Variants in ELAVL2 observed in about 807,000 individuals in gnomAD.
The protein encoded by ELAVL2 is ELAV-like protein 2.
A neutral mutation model predicts 34.6 loss-of-function variants in ELAVL2; 4 were observed. That is an observed-to-expected ratio of 0.12 (90% CI 0.06 to 0.26). The LOEUF is 0.26. Among genes scored for constraint, ELAVL2 ranks in the 10% least tolerant of loss-of-function variants. ELAVL2 has a pLI of 1.00. For synonymous variants in ELAVL2, 193 were observed against 154.8 expected (o/e 1.25, Z -1.83); for missense variants, 432 against 442.8 (o/e 0.98, Z 0.22).
At chr9:23,768,608 TCACC>T (rs1221295166) in intron 1 of ELAVL2, among the ~76,000 whole-genome samples, 1 of 152,106 alleles carries the variant, frequency 6.6e-6, no homozygotes, top group Non-Finnish European at 1.5e-5. Context: ...TCAGCCACCC[TCACC>T]CACTGAAATC....
At chr9:23,803,207 GA>G (rs1408760365) in intron 1 of ELAVL2, among the ~76,000 whole-genome samples, 2 of 152,004 alleles carry the variant, frequency 1.3e-5, no homozygotes, top group Non-Finnish European at 2.9e-5. Flanking sequence ...TGATTTATAA[GA>G]AAAAAACGTG....
chr9:23,760,266 T>C (rs2054653513), intron 2 of ELAVL2, among the ~76,000 whole-genome samples: 1 of 152,038 alleles, frequency 6.6e-6, no homozygotes, highest in Non-Finnish European at 1.5e-5. Context: ...ATTTTCATCT[T>C]ATAAAATGAT....
At position 23,762,006 on chromosome 9, in the gene ELAVL2, C is replaced by T. The variant is rs1451995459; in HGVS notation, c.229G>A (p.Gly77Arg). The change falls in exon 2 of 7, where the codon GGG (glycine) becomes AGG (arginine). Residue 77 changes from glycine (G) to arginine (R), a missense_variant and splice_region_variant. Physicochemically the swap from Gly to Arg is moderately radical, Grantham distance 125. This residue lies in a region of ELAVL2 where 132 missense variants were observed against 118.3 expected (regional missense o/e 1.12). Transcript: ENST00000397312. ...SCKLVRDKITGQSLGYGFVNY... is the reference protein window; with the variant it reads ...SCKLVRDKITRQSLGYGFVNY... Reference sequence around the variant, plus strand: ...AAATCATCTACATAAAACTGCTTACCTGTTATTTTGTCTCTTACAAGCTTA... The same window carrying T: ...AAATCATCTACATAAAACTGCTTACTTGTTATTTTGTCTCTTACAAGCTTA... 1 of 1,609,712 alleles carries T rather than the reference C, an allele frequency of 6.2e-7. No individual in the cohort carries two copies. The highest frequency in any genetic ancestry group is 8.5e-7 in the Non-Finnish European group (1 of 1,177,662).
At chr9:23,723,735 G>C (rs969956542) in intron 3 of ELAVL2, among the ~76,000 whole-genome samples, 1 of 151,976 alleles carries the variant, frequency 6.6e-6, no homozygotes, top group South Asian at 2.1e-4. Flanking sequence ...CTCTTCCTCA[G>C]CCTCCTTATT....
At chr9:23,739,549 C>T (rs1322247144) in intron 2 of ELAVL2, among the ~76,000 whole-genome samples, 1 of 151,992 alleles carries the variant, frequency 6.6e-6, no homozygotes, top group Non-Finnish European at 1.5e-5. Flanking sequence ...GCCCCTACCC[C>T]CACCCCCACA....
intron 1 of ELAVL2, among the ~76,000 whole-genome samples, chr9:23,824,045 G>C (rs1419854627): frequency 6.6e-6 from 1 of 152,180 alleles, no homozygotes; most frequent in East Asian, 1.9e-4. Flanking sequence ...ATTTCGGGGA[G>C]AAAGTACAGA....
At chr9:23,724,920 A>G (rs1453458674) in intron 3 of ELAVL2, among the ~76,000 whole-genome samples, 1 of 152,044 alleles carries the variant, frequency 6.6e-6, no homozygotes, top group Non-Finnish European at 1.5e-5. Context: ...CTAACATCTC[A>G]TAAGTAGGTC....
intron 2 of ELAVL2, among the ~76,000 whole-genome samples, chr9:23,748,419 G>A (rs1187806443): frequency 6.6e-6 from 1 of 152,058 alleles, no homozygotes; most frequent in Non-Finnish European, 1.5e-5. Flanking sequence ...CTCTCTGGGA[G>A]AAAAGAGTAG....
chr9:23,726,083 A>T (rs935742961), intron 3 of ELAVL2, among the ~76,000 whole-genome samples: 4 of 152,124 alleles, frequency 2.6e-5, no homozygotes, highest in African/African-American at 9.7e-5. Flanking sequence ...ACAGAAAAAA[A>T]AAAGTATAAA....
chr9:23,761,501 C>T (rs145876839), intron 2 of ELAVL2, among the ~76,000 whole-genome samples: 50 of 152,106 alleles, frequency 3.3e-4, no homozygotes, highest in African/African-American at 1.1e-3. Context: ...AGGAACGGAA[C>T]ATAAGATCTC....
chr9:23,775,699 T>C (rs555351235), intron 1 of ELAVL2, among the ~76,000 whole-genome samples: 118 of 152,276 alleles, frequency 7.7e-4, no homozygotes, highest in Non-Finnish European at 1.1e-3. Context: ...ACCGAGCTCC[T>C]ACCTCTTCAT....
At chr9:23,800,268 G>A (rs1349469580) in intron 1 of ELAVL2, among the ~76,000 whole-genome samples, 1 of 152,154 alleles carries the variant, frequency 6.6e-6, no homozygotes, top group Non-Finnish European at 1.5e-5. Context: ...CTGAACTGGA[G>A]GTGTAACAAT....
intron 3 of ELAVL2, among the ~76,000 whole-genome samples, chr9:23,727,630 T>G (rs2045550699): frequency 6.6e-6 from 1 of 152,048 alleles, no homozygotes; most frequent in Non-Finnish European, 1.5e-5. Context: ...GAATCTCACC[T>G]GTGGACAGGG....
At chr9:23,740,424 A>G (rs1213278283) in intron 2 of ELAVL2, among the ~76,000 whole-genome samples, 1 of 152,136 alleles carries the variant, frequency 6.6e-6, no homozygotes, top group African/African-American at 2.4e-5. Context: ...CACTACAATC[A>G]ACCTTTCCAA....
chr9:23,834,383 C>T, the ELAVL2 span, among the ~76,000 whole-genome samples: 1 of 151,912 alleles, frequency 6.6e-6, no homozygotes, highest in African/African-American at 2.4e-5. Flanking sequence ...ACTTCAGACA[C>T]ATGGATTTGA....
At chr9:23,733,904 T>TAGC (rs1436450950) in intron 2 of ELAVL2, among the ~76,000 whole-genome samples, 1 of 152,180 alleles carries the variant, frequency 6.6e-6, no homozygotes, top group East Asian at 1.9e-4. Context: ...CAATCATGAC[T>TAGC]AGCTATATGA....
chr9:23,770,435 GAATTAAGATTGTAGAATTAAAGCTGCT>G (rs2057101867), intron 1 of ELAVL2, among the ~76,000 whole-genome samples: 1 of 152,126 alleles, frequency 6.6e-6, no homozygotes, highest in East Asian at 1.9e-4. Flanking sequence ...TGACAAGGGG[GAATTAAGATTGTAGAATTAAAGCTGCT>G]AATCAGCTCA....
upstream of ELAVL2, among the ~76,000 whole-genome samples, chr9:23,826,574 G>C (rs1031706939): frequency 6.6e-6 from 1 of 152,206 alleles, no homozygotes; most frequent in African/African-American, 2.4e-5. Context: ...AATGCAAGAA[G>C]CAAAAAGAAA....
At chr9:23,693,521 A>T in intron 5 of ELAVL2, 35 bp from the exon 6 acceptor site, 1 of 1,613,768 alleles carries the variant, frequency 6.2e-7, no homozygotes, top group Non-Finnish European at 8.5e-7. Context: ...TTCAGTTTTT[A>T]ATTTTTCCCC....
Sources: gnomAD v4.1 joint callset for allele counts (sites outside exome capture counted in the v4.1 genomes callset) on GRCh38, gnomAD v4.1.1 for gene constraint, gnomAD v4.1.1 regional missense constraint, MANE v1.5 for transcripts, NCBI Gene and HGNC (gene_info 2026-07-23, HGNC 2026-07-21) for gene names.